Variants in POLK observed in about 807,000 individuals in gnomAD.
POLK encodes the protein polymerase (DNA directed) kappa.
Under a neutral mutation model 94.0 loss-of-function variants are expected in POLK, and 76 were observed. The ratio of observed to expected loss-of-function variants is 0.81; its 90% CI spans 0.67 to 0.98. POLK has a LOEUF of 0.98. Ranked by LOEUF, POLK falls within the 50% of genes least tolerant of loss-of-function variation. The pLI is 0.00. For synonymous variants in POLK, 349 were observed against 325.4 expected (o/e 1.07, Z -0.78); for missense variants, 954 against 1,010.1 (o/e 0.94, Z 0.75).
At chr5:75,521,844 C>T (rs1768604443) in intron 1 of POLK, among the ~76,000 whole-genome samples, 1 of 151,980 alleles carries the variant, frequency 6.6e-6, no homozygotes, top group Non-Finnish European at 1.5e-5. Context: ...TTGCCTCTGC[C>T]CTAGTAAAGG....
At position 75,515,441 on chromosome 5, in the gene POLK, A is replaced by G. The variant is rs920312408; in HGVS notation, c.-14+3527A>G. 2.6e-5 allele frequency among the ~76,000 whole-genome samples: 4 copies of G among 152,256 alleles called. No homozygotes were observed. The East Asian group carries it at 7.7e-4, about 29-fold the overall frequency. On this transcript the variant is annotated intron_variant, in intron 1 of 14. Transcript: ENST00000241436. The stretch of plus-strand genomic sequence containing the variant: ...GTGTTGAGATTTGATGTGAGCCAAC[A>G]TGCCAGGCCCAATATTCTTTTTTTA...
chr5:75,547,165 T>G lies in POLK; in HGVS notation c.135+8T>G. On this transcript the variant is annotated splice_region_variant and intron_variant, in intron 2 of 14. Transcript: ENST00000241436. ...ATAATGGAAGCCACGAAGGTATGTTTCTTGTTTCTTTTGATGTGTGTAATT... is the reference window on the plus strand; with the variant it reads ...ATAATGGAAGCCACGAAGGTATGTTGCTTGTTTCTTTTGATGTGTGTAATT... 1 of 1,505,378 alleles carries G rather than the reference T, an allele frequency of 6.6e-7. No individual in the cohort carries two copies. The allele number at this position is 1,505,378 out of a possible 1,614,324, so 93.3% of individuals were successfully genotyped here.
At chr5:75,602,618 CAG>C (rs553312379), downstream of POLK, among the ~76,000 whole-genome samples, 113 of 152,268 alleles carry the variant, frequency 7.4e-4, 1 homozygote, top group African/African-American at 2.6e-3. Flanking sequence ...TTGAATAATG[CAG>C]AGACACTTCA....
intron 5 of POLK, 48 bp downstream of exon 5, chr5:75,573,917 C>A: frequency 6.3e-7 from 1 of 1,592,308 alleles, no homozygotes; most frequent in South Asian, 1.1e-5. Context: ...GAGTTCCTGT[C>A]ACCTACAGAA....
chr5:75,511,173 G>A, upstream of POLK: 1 of 1,612,400 alleles, frequency 6.2e-7, no homozygotes. Context: ...ATCCTCCTCC[G>A]AGCCCGACGA....
At chr5:75,520,574 T>A (rs555834237) in intron 1 of POLK, among the ~76,000 whole-genome samples, 15 of 151,914 alleles carry the variant, frequency 9.9e-5, no homozygotes, top group African/African-American at 3.4e-4. Flanking sequence ...AGAAAAAAAA[T>A]TTTTTTTAGA....
intron 11 of POLK, among the ~76,000 whole-genome samples, chr5:75,592,695 A>AAAC (rs1213680745): frequency 2.1e-5 from 3 of 143,844 alleles, no homozygotes; most frequent in South Asian, 2.1e-4. Context: ...ACTCTGTCTA[A>AAAC]AACAACAAAA....
intron 1 of POLK, among the ~76,000 whole-genome samples, chr5:75,521,301 C>T (rs1412391920): frequency 6.6e-6 from 1 of 150,850 alleles, no homozygotes; most frequent in Non-Finnish European, 1.5e-5. Context: ...TATTTTTTTT[C>T]CTCATCTATG....
At chr5:75,591,851 C>G (rs1772804958) in intron 11 of POLK, among the ~76,000 whole-genome samples, 1 of 152,194 alleles carries the variant, frequency 6.6e-6, no homozygotes, top group African/African-American at 2.4e-5. Flanking sequence ...GAAAGAGTAT[C>G]ACAAAGAGGA....
At chr5:75,574,524 G>A (rs1771761081) in intron 5 of POLK, among the ~76,000 whole-genome samples, 1 of 152,002 alleles carries the variant, frequency 6.6e-6, no homozygotes, top group Non-Finnish European at 1.5e-5. Context: ...TAAAATTTTA[G>A]ACTACTACAT....
At chr5:75,592,437 G>C (rs1284195308) in intron 11 of POLK, among the ~76,000 whole-genome samples, 1 of 152,212 alleles carries the variant, frequency 6.6e-6, no homozygotes, top group Non-Finnish European at 1.5e-5. Context: ...TGGGGGGCCA[G>C]GCACGGTGGC....
chr5:75,590,678 AT>A (rs1180685405), intron 11 of POLK, among the ~76,000 whole-genome samples: 1 of 152,204 alleles, frequency 6.6e-6, no homozygotes, highest in Non-Finnish European at 1.5e-5. Context: ...GTTCAGTATA[AT>A]TCAGAGGACT....
At chr5:75,566,896 G>T (rs138693643) in intron 3 of POLK, among the ~76,000 whole-genome samples, 1 of 152,350 alleles carries the variant, frequency 6.6e-6, no homozygotes, top group Non-Finnish European at 1.5e-5. Flanking sequence ...TGGAGACTCA[G>T]ATCAGAACTT....
chr5:75,589,779 T>A (rs188969066), intron 10 of POLK, among the ~76,000 whole-genome samples: 2 of 152,198 alleles, frequency 1.3e-5, no homozygotes, highest in East Asian at 3.8e-4. Flanking sequence ...TTATCCTCTT[T>A]TAAGTTAATA....
intron 3 of POLK, among the ~76,000 whole-genome samples, chr5:75,559,904 C>G (rs1308380012): frequency 6.6e-6 from 1 of 151,098 alleles, no homozygotes; most frequent in Non-Finnish European, 1.5e-5. Flanking sequence ...AAAACAAAAC[C>G]AAAAAAACAC....
rs752429324 is a variant in POLK at position 75,584,939 on chromosome 5, A to G, written c.1226+13A>G. Reference sequence around the variant, plus strand: ...CACACCTGACGAGGTATCTATATGTATTGTCATTCTGCTTTTTCTTCAGCA... The same window carrying G: ...CACACCTGACGAGGTATCTATATGTGTTGTCATTCTGCTTTTTCTTCAGCA... On this transcript the variant is annotated intron_variant, in intron 9 of 14. Transcript: ENST00000241436. 3.2e-6 allele frequency: 5 copies of G among 1,538,638 alleles called. No homozygotes were observed. The highest frequency in any genetic ancestry group is 4.4e-6 in the Non-Finnish European group (5 of 1,126,228).
chr5:75,571,490 C>T (rs1771597165), intron 4 of POLK, among the ~76,000 whole-genome samples: 2 of 152,134 alleles, frequency 1.3e-5, no homozygotes, highest in South Asian at 2.1e-4. Context: ...GATGGCTCAA[C>T]CTTGCTCTAC....
exon 1 of POLK, chr5:75,511,797 A>G (rs1768025929): frequency 1.3e-6 from 2 of 1,551,486 alleles, no homozygotes; most frequent in African/African-American, 1.4e-5. Context: ...GAAAAGCAGG[A>G]GGAGCGGAGA....
chr5:75,523,817 T>C (rs1388561451), intron 1 of POLK, among the ~76,000 whole-genome samples: 4 of 152,140 alleles, frequency 2.6e-5, no homozygotes, highest in Non-Finnish European at 2.9e-5. Context: ...CTTTGTTGCA[T>C]GTCAGAGACA....
Sources: gnomAD v4.1 joint callset for allele counts (sites outside exome capture counted in the v4.1 genomes callset) on GRCh38, gnomAD v4.1.1 for gene constraint, MANE v1.5 for transcripts, NCBI Gene and HGNC (gene_info 2026-07-23, HGNC 2026-07-21) for gene names.